Variants in NID2 observed in about 807,000 individuals in gnomAD.
NID2 encodes the protein nidogen-2.
Under a neutral mutation model 145.4 loss-of-function variants are expected in NID2, and 83 were observed. The observed-to-expected ratio is 0.57, with a 90% CI of 0.48 to 0.69. The LOEUF is 0.69. NID2 is among the 30% of genes least tolerant of loss of function. The pLI, the probability that NID2 is intolerant of heterozygous loss-of-function variation, is 0.00. For missense variants in NID2, 1,807 were observed against 1,765.7 expected (o/e 1.02, Z -0.42); for synonymous variants, 739 against 701.3 (o/e 1.05, Z -0.85).
intron 21 of NID2, 29 bp from the exon 22 acceptor site, chr14:52,005,525 G>GCA: frequency 1.3e-6 from 2 of 1,592,490 alleles, no homozygotes; most frequent in Non-Finnish European, 1.7e-6. Context: ...GGTGGGACAG[G>GCA]GTGGTGGGTG....
intron 12 of NID2, among the ~76,000 whole-genome samples, chr14:52,022,613 T>C (rs1891441988): frequency 1.3e-5 from 2 of 152,326 alleles, no homozygotes; most frequent in African/African-American, 2.4e-5. Flanking sequence ...CAAGAAGTCG[T>C]AGAGCCCCTT....
At chr14:52,052,658 C>T (rs1411532931) in intron 5 of NID2, among the ~76,000 whole-genome samples, 2 of 152,192 alleles carry the variant, frequency 1.3e-5, no homozygotes, top group African/African-American at 4.8e-5. Flanking sequence ...CCAGAAGGCC[C>T]TCTCTGCTAG....
chr14:52,016,775 C>A (rs190534972), intron 14 of NID2, among the ~76,000 whole-genome samples: 2 of 152,190 alleles, frequency 1.3e-5, no homozygotes, highest in African/African-American at 4.8e-5. Flanking sequence ...CATGTCACTC[C>A]GTTCAAAACC....
In NID2 at chr14:52,006,632, A is replaced by G; in HGVS notation, c.3909T>C (p.Pro1303=). The G allele has an allele frequency of 6.2e-7, 1 of 1,613,836 alleles. No individual in the cohort carries two copies. The highest frequency in any genetic ancestry group is 1.1e-5 in the South Asian group (1 of 91,084). ...AGTKKLECTL[P]DGTGRRVIQN... ...GAATGACACGCCGTCCAGTTCCATC[A>G]GGTAGTGTACACTCCAGTTTTTTGG... is the stretch of plus-strand genomic sequence containing the variant. Residue 1303 remains proline, a synonymous_variant, in exon 20 of 22, where the codon CCT becomes CCC. Transcript: ENST00000216286.
At chr14:52,016,306 A>G (rs1454482295) in intron 14 of NID2, among the ~76,000 whole-genome samples, 1 of 152,204 alleles carries the variant, frequency 6.6e-6, no homozygotes, top group Non-Finnish European at 1.5e-5. Flanking sequence ...AATTCCTGCA[A>G]CTTAAAGCAC....
intron 9 of NID2, among the ~76,000 whole-genome samples, chr14:52,035,347 G>T (rs1187750801): frequency 6.6e-6 from 1 of 152,158 alleles, no homozygotes; most frequent in Non-Finnish European, 1.5e-5. Context: ...TTTCCAGAAT[G>T]TCATGGTTAG....
intron 12 of NID2, among the ~76,000 whole-genome samples, chr14:52,026,476 A>T (rs1294232075): frequency 6.6e-6 from 1 of 152,202 alleles, no homozygotes; most frequent in Non-Finnish European, 1.5e-5. Flanking sequence ...CTCACGTGAA[A>T]CTGAGTTTCA....
intron 16 of NID2, among the ~76,000 whole-genome samples, chr14:52,013,182 C>T (rs947663093): frequency 6.6e-6 from 1 of 152,160 alleles, no homozygotes; most frequent in Non-Finnish European, 1.5e-5. Context: ...TTAAAATGTG[C>T]AAATAACCCA....
rs138997022 is a variant in NID2 at position 52,036,531 on chromosome 14, G to A, written c.2257+2216C>T. ...TCTTTTGGGTATATAGAAAGGAGTA[G>A]AATTGCTCCATTAAATGGTAACTTT... On this transcript the variant is annotated intron_variant, in intron 9 of 21. Transcript: ENST00000216286. Among the ~76,000 whole-genome samples, 152 of 152,306 alleles carry A rather than the reference G, an allele frequency of 1.0e-3. 1 individual carries two copies. The highest frequency in any genetic ancestry group is 1.7e-3 in the Non-Finnish European group (119 of 68,026).
chr14:52,030,481 A>AAAAGAAAGAAAAG (rs1555363677), intron 9 of NID2, among the ~76,000 whole-genome samples: 13,137 of 114,642 alleles, frequency 0.11, 1,814 homozygotes, highest in East Asian at 0.15. Flanking sequence ...CGAGAGAAAG[A>AAAAGAAAGAAAAG]AAAGAAAGAA....
At chr14:52,033,137 TAAGTA>T (rs1164018540) in intron 9 of NID2, among the ~76,000 whole-genome samples, 1 of 152,226 alleles carries the variant, frequency 6.6e-6, no homozygotes, top group Non-Finnish European at 1.5e-5. Context: ...CCTATTATAG[TAAGTA>T]AAGAACACAG....
intron 18 of NID2, chr14:52,009,365 A>G (rs1170935357): frequency 6.6e-6 from 1 of 152,270 alleles, no homozygotes; most frequent in Admixed American, 6.5e-5. Flanking sequence ...GGGGATTGCC[A>G]GAGGAAGAAA....
At position 52,020,124 on chromosome 14, in the gene NID2, G is replaced by A. The variant is rs376430961; in HGVS notation, c.2729C>T (p.Thr910Ile). The A allele has an allele frequency of 3.1e-6, 5 of 1,614,056 alleles. No homozygotes were observed. The African/African-American group carries it at 6.7e-5, about 22-fold the overall frequency. ...RCHPAATCYNTPGSFSCRCQP... is the reference protein window; with the variant it reads ...RCHPAATCYNIPGSFSCRCQP... ...ACAACGGCAGGAGAAGGAACCAGGA[G>A]TATTGTAGCAGGTAGCTGCAGGGTG... Residue 910 changes from threonine to isoleucine, a missense_variant, in exon 13 of 22, where the codon ACT (threonine) becomes ATT (isoleucine). Physicochemically the swap from Thr to Ile is moderately conservative, Grantham distance 89. Coordinates refer to ENST00000216286, the MANE Select transcript of NID2 (RefSeq NM_007361.4).
intron 15 of NID2, 43 bp from the exon 16 acceptor site, chr14:52,014,499 A>C (rs771223372): frequency 2.6e-6 from 4 of 1,559,244 alleles, no homozygotes; most frequent in Non-Finnish European, 3.5e-6. Flanking sequence ...GAACAAGGGC[A>C]GGCAGGGAGA....
chr14:52,010,251 A>G (rs531561401), intron 18 of NID2: 1 of 152,240 alleles, frequency 6.6e-6, no homozygotes, highest in Admixed American at 6.5e-5. Context: ...GCATCTGGGA[A>G]TTTCATTTCG....
chr14:52,030,515 G>GA lies in NID2; in HGVS notation c.2258-826dup, dbSNP rs11308749. ...AAAGAAAGAAAGAGAAAGAAAGAAA[G>GA]AAAAGAAAGAAAGAAAGAAAGAAAG... On this transcript the variant is annotated intron_variant, in intron 9 of 21. Coordinates refer to ENST00000216286, the MANE Select transcript of NID2 (RefSeq NM_007361.4). Among the ~76,000 whole-genome samples, 21 of 48,338 alleles carry GA rather than the reference G, an allele frequency of 4.3e-4. 1 individual carries two copies. The East Asian group carries it at 7.9e-3, about 18-fold the overall frequency. The allele number at this position is 48,338 out of a possible 152,430, so 31.7% of individuals were successfully genotyped here. A position where few individuals can be genotyped will look rare whatever the true frequency, so the allele number is the denominator to read the frequency against.
chr14:52,008,013 G>A (rs774937825), intron 18 of NID2, 46 bp from the exon 19 acceptor site: 2 of 1,512,758 alleles, frequency 1.3e-6, no homozygotes, highest in South Asian at 2.5e-5. Context: ...CATGTAGCCT[G>A]TGGTAGGCAG....
intron 19 of NID2, 51 bp from the exon 20 acceptor site, chr14:52,006,711 TGATAGTGA>T: frequency 3.1e-6 from 5 of 1,602,078 alleles, no homozygotes; most frequent in Non-Finnish European, 4.3e-6. Flanking sequence ...TTGCCAAAAA[TGATAGTGA>T]CATAGTGATA....
chr14:52,011,462 T>G, intron 17 of NID2, 92 bp downstream of exon 17: 75 of 1,521,288 alleles, frequency 4.9e-5, no homozygotes, highest in Non-Finnish European at 6.4e-5. Context: ...CCTCCCCTAA[T>G]GGAGAAAAAT....
Sources: gnomAD v4.1 joint callset for allele counts (sites outside exome capture counted in the v4.1 genomes callset) on GRCh38, gnomAD v4.1.1 for gene constraint, MANE v1.5 for transcripts, NCBI Gene and HGNC (gene_info 2026-07-23, HGNC 2026-07-21) for gene names.